The following TPST1 variants were observed in gnomAD, a reference collection of about 807,000 sequenced individuals.
The protein encoded by TPST1 is tyrosylprotein sulfotransferase 1, also known as protein-tyrosine sulfotransferase 1.
Under a neutral mutation model 34.8 loss-of-function variants are expected in TPST1, and 20 were observed. The ratio of observed to expected loss-of-function variants is 0.57; its 90% CI spans 0.40 to 0.84. The LOEUF (loss-of-function observed/expected upper bound fraction) is 0.84, where lower values mean the gene tolerates loss of function less well. TPST1 is among the 40% of genes least tolerant of loss of function. The pLI is 0.00. For synonymous variants in TPST1, 152 were observed against 159.4 expected (o/e 0.95, Z 0.35); for missense variants, 353 against 455.5 (o/e 0.78, Z 2.05).
chr7:66,225,056 T>G (rs547703503), intron 1 of TPST1, among the ~76,000 whole-genome samples: 2 of 151,834 alleles, frequency 1.3e-5, no homozygotes, highest in East Asian at 3.9e-4. Flanking sequence ...TAGCAGGGAT[T>G]ACAGGCACGC....
In TPST1 at chr7:66,205,636, C is replaced by T. The variant is rs1157484003; in HGVS notation, c.-102+114C>T. The T allele has an allele frequency of 6.5e-6, 1 of 152,838 alleles. No homozygotes were observed. Among genetic ancestry groups the T allele is most frequent in the Non-Finnish European group, 1.5e-5 (1 of 68,622 alleles). The allele number at this position is 152,838 out of a possible 1,614,324, so 9.5% of individuals were successfully genotyped here. On this transcript the variant is annotated intron_variant, in intron 1 of 5. Coordinates refer to ENST00000304842, the MANE Select transcript of TPST1 (RefSeq NM_003596.4). The surrounding 1 kb of genome is among the most constrained non-coding windows in gnomAD (Gnocchi z 5.0). Reference sequence around the variant, plus strand: ...CCTTGTCGCCTTCTGCTCGGTGCCTCCCGGTTGTCCAACCCCGCCCCCGAG... The same window carrying T: ...CCTTGTCGCCTTCTGCTCGGTGCCTTCCGGTTGTCCAACCCCGCCCCCGAG...
At chr7:66,257,391 C>G (rs1448246073) in intron 2 of TPST1, among the ~76,000 whole-genome samples, 1 of 152,182 alleles carries the variant, frequency 6.6e-6, no homozygotes, top group African/African-American at 2.4e-5. Flanking sequence ...ATAGGAGGCA[C>G]AGAAGTGTTA....
At chr7:66,351,550 T>TCGA (rs1215225689) in intron 3 of TPST1, among the ~76,000 whole-genome samples, 24 of 152,300 alleles carry the variant, frequency 1.6e-4, no homozygotes, top group African/African-American at 5.3e-4. Flanking sequence ...TAGTAATGTA[T>TCGA]CGATATCTGG....
At chr7:66,230,871 G>A (rs1227246480) in intron 1 of TPST1, among the ~76,000 whole-genome samples, 3 of 152,124 alleles carry the variant, frequency 2.0e-5, no homozygotes, top group African/African-American at 7.2e-5. Context: ...CAATCCCTGA[G>A]CTAGATACAA....
chr7:66,305,862 T>C (rs1013346583), intron 3 of TPST1, among the ~76,000 whole-genome samples: 2 of 152,248 alleles, frequency 1.3e-5, no homozygotes, highest in African/African-American at 4.8e-5. Flanking sequence ...AATTTGGCCA[T>C]TTCACTTAAG....
intron 1 of TPST1, among the ~76,000 whole-genome samples, chr7:66,206,755 C>T (rs1268228729): frequency 1.3e-5 from 2 of 152,016 alleles, no homozygotes; most frequent in African/African-American, 4.8e-5. Flanking sequence ...CAATGTGGTA[C>T]GTGTTTATCT....
chr7:66,241,420 C>A, intron 2 of TPST1, 150 bp downstream of exon 2: 3 of 884,840 alleles, frequency 3.4e-6, no homozygotes, highest in Non-Finnish European at 4.7e-6. Context: ...GATACAGCTT[C>A]ATTGATGAGG....
chr7:66,332,328 C>T lies in TPST1; in HGVS notation c.1045-20177C>T, dbSNP rs903371675. Among the ~76,000 whole-genome samples the T allele has an allele frequency of 6.6e-6, 1 of 151,076 alleles. No homozygotes were observed. Among genetic ancestry groups the T allele is most frequent in the African/African-American group, 2.4e-5 (1 of 41,032 alleles). ...GTGTTGCTCAGGCTGGAGTGCAAGG[C>T]ACAATCTCAGCTCACTGCAACGTCC... On this transcript the variant is annotated intron_variant, in intron 3 of 5. Coordinates refer to ENST00000304842, the MANE Select transcript of TPST1 (RefSeq NM_003596.4). The surrounding 1 kb of genome is among the most constrained non-coding windows in gnomAD (Gnocchi z 4.5).
intron 2 of TPST1, among the ~76,000 whole-genome samples, chr7:66,273,069 A>G (rs922496937): frequency 1.3e-5 from 2 of 152,238 alleles, no homozygotes; most frequent in African/African-American, 4.8e-5. Context: ...GAACTAGTTA[A>G]TGAATTCAGT....
intron 3 of TPST1, among the ~76,000 whole-genome samples, chr7:66,328,979 A>G (rs1416618566): frequency 7.5e-6 from 1 of 134,088 alleles, no homozygotes; most frequent in Non-Finnish European, 1.5e-5. Context: ...TGGCATAATC[A>G]CAGCTCACTG....
At chr7:66,321,659 A>G (rs751989767) in intron 3 of TPST1, among the ~76,000 whole-genome samples, 1 of 152,232 alleles carries the variant, frequency 6.6e-6, no homozygotes, top group African/African-American at 2.4e-5. Flanking sequence ...AGATAGTGCC[A>G]AAGAGTTTTT....
At chr7:66,213,121 A>G (rs553391823) in intron 1 of TPST1, among the ~76,000 whole-genome samples, 7 of 152,156 alleles carry the variant, frequency 4.6e-5, no homozygotes, top group Non-Finnish European at 8.8e-5. Flanking sequence ...AGAAGTTTTC[A>G]GTCACTTCTT....
intron 3 of TPST1, among the ~76,000 whole-genome samples, chr7:66,326,408 G>A (rs1406561294): frequency 6.6e-6 from 1 of 152,170 alleles, no homozygotes; most frequent in Non-Finnish European, 1.5e-5. Context: ...GAAAAGAGGG[G>A]AAAAGGACTC....
At chr7:66,275,320 T>C (rs1790785622) in intron 2 of TPST1, among the ~76,000 whole-genome samples, 1 of 151,896 alleles carries the variant, frequency 6.6e-6, no homozygotes, top group South Asian at 2.1e-4. Flanking sequence ...AACATGGAGG[T>C]TCCTCAAAAA....
At chr7:66,342,583 T>C (rs558849089) in intron 3 of TPST1, among the ~76,000 whole-genome samples, 1 of 152,306 alleles carries the variant, frequency 6.6e-6, no homozygotes, top group African/African-American at 2.4e-5. Flanking sequence ...TGGCTCACAT[T>C]TCTGCAGACT....
chr7:66,275,269 T>C (rs558938319), intron 2 of TPST1, among the ~76,000 whole-genome samples: 240 of 152,318 alleles, frequency 1.6e-3, no homozygotes, highest in Non-Finnish European at 2.2e-3. Flanking sequence ...ACCTATACAC[T>C]GTTGGTGAGA....
intron 2 of TPST1, among the ~76,000 whole-genome samples, chr7:66,276,090 A>C (rs1459104742): frequency 1.3e-5 from 2 of 151,760 alleles, no homozygotes; most frequent in African/African-American, 4.8e-5. Flanking sequence ...TAGATACTCA[A>C]ATATTTTTTC....
intron 5 of TPST1, 21 bp downstream of exon 5, chr7:66,356,892 C>T: frequency 6.2e-7 from 1 of 1,613,272 alleles, no homozygotes; most frequent in South Asian, 1.1e-5. Context: ...GGGGACATTG[C>T]CAGGTCTTTC....
intron 1 of TPST1, among the ~76,000 whole-genome samples, chr7:66,228,993 C>A (rs1789721436): frequency 6.6e-6 from 1 of 152,164 alleles, no homozygotes; most frequent in African/African-American, 2.4e-5. Flanking sequence ...GTAACAGTTA[C>A]AATACAGAAT....
Sources: gnomAD v4.1 joint callset for allele counts (sites outside exome capture counted in the v4.1 genomes callset) on GRCh38, gnomAD v4.1.1 for gene constraint, Gnocchi (gnomAD v3.1) non-coding constraint, MANE v1.5 for transcripts, NCBI Gene and HGNC (gene_info 2026-07-23, HGNC 2026-07-21) for gene names.